The following SV2B variants were observed in gnomAD, a reference collection of about 807,000 sequenced individuals.
SV2B encodes the protein synaptic vesicle glycoprotein 2B, also known as solute carrier family 22 member B2.
In SV2B, 41 loss-of-function variants were observed where a neutral mutation model predicts 73.9. The ratio of observed to expected loss-of-function variants is 0.56; its 90% CI spans 0.43 to 0.72. The LOEUF is 0.72. Among genes scored for constraint, SV2B ranks in the 30% least tolerant of loss-of-function variants. SV2B has a pLI of 0.00. For synonymous variants in SV2B, 314 were observed against 314.2 expected (o/e 1.00, Z 0.01); for missense variants, 764 against 857.8 (o/e 0.89, Z 1.37).
chr15:91,180,456 A>G (rs7496801), intron 1 of SV2B, among the ~76,000 whole-genome samples: 53,791 of 151,110 alleles, frequency 0.36, 10,025 homozygotes, highest in East Asian at 0.7. Flanking sequence ...GCTAGATTGG[A>G]GAAGTTCTCC....
rs2048181020 is a variant in SV2B, at chr15:91,268,474, G to T, written c.1242G>T (p.Met414Ile). Residue 414 changes from methionine (M) to isoleucine (I), a missense_variant, in exon 9 of 13, where the codon ATG (methionine) becomes ATT (isoleucine). By Grantham distance (10) the Met-to-Ile change is conservative. Transcript: ENST00000394232. The surrounding 1 kb of genome is among the most constrained non-coding windows in gnomAD (Gnocchi z 4.4). ...GACTGACAGTTTGGTTTCCTGATAT[G>T]ATCCGCTATTTTCAAGATGAAGAAT... The part of the protein sequence containing the change: ...YYGLTVWFPD[M>I]IRYFQDEEYK... 2 of 1,613,976 alleles carry T rather than the reference G, an allele frequency of 1.2e-6. No individual in the cohort carries two copies. The highest frequency in any genetic ancestry group is 2.7e-5 in the African/African-American group (2 of 74,928).
intron 1 of SV2B, among the ~76,000 whole-genome samples, chr15:91,101,058 C>A (rs1222937900): frequency 6.6e-6 from 1 of 152,216 alleles, no homozygotes; most frequent in African/African-American, 2.4e-5. Flanking sequence ...AAATACACTC[C>A]TTTATCCGGA....
chr15:91,248,126 C>A (rs1018367928), intron 2 of SV2B, among the ~76,000 whole-genome samples: 2 of 152,110 alleles, frequency 1.3e-5, no homozygotes, highest in Non-Finnish European at 2.9e-5. Context: ...TCAAGACCAT[C>A]CTGGCTAACA....
rs1378424025 is a variant in SV2B, at chr15:91,132,677, C to T, written c.-392+32314C>T. ...CGGTATGAAACATTTAGGTTTTTTG[C>T]CTCCAGACCCTATTTCTCCTGCCTC... On this transcript the variant is annotated intron_variant, in intron 1 of 12. Transcript: ENST00000394232. The surrounding 1 kb of genome is among the most constrained non-coding windows in gnomAD (Gnocchi z 4.6). Among the ~76,000 whole-genome samples, 1 of 151,888 alleles carries T rather than the reference C, an allele frequency of 6.6e-6. No individual in the cohort carries two copies. Among genetic ancestry groups the T allele is most frequent in the African/African-American group, 2.4e-5 (1 of 41,358 alleles).
chr15:91,282,813 A>G (rs951079654), intron 10 of SV2B, among the ~76,000 whole-genome samples: 1 of 152,232 alleles, frequency 6.6e-6, no homozygotes, highest in Non-Finnish European at 1.5e-5. Context: ...TCTGGTCTCT[A>G]AATATTCTGG....
chr15:91,139,349 A>G lies in SV2B; in HGVS notation c.-392+38986A>G, dbSNP rs1471258932. On this transcript the variant is annotated intron_variant, in intron 1 of 12. Transcript: ENST00000394232. This position sits in a 1 kb window ranked among gnomAD's most constrained non-coding sequence, Gnocchi z 5.2. ...TGCAAATTTCCACAATAAAATGTTA[A>G]AAAAAAAGAAGTAAGGGAAACTTCC... Among the ~76,000 whole-genome samples, 2 of 151,890 alleles carry G rather than the reference A, an allele frequency of 1.3e-5. No homozygotes were observed. Among genetic ancestry groups the G allele is most frequent in the Non-Finnish European group, 2.9e-5 (2 of 67,976 alleles).
chr15:91,283,435 G>A lies in SV2B; in HGVS notation c.1508-586G>A, dbSNP rs937439410. Among the ~76,000 whole-genome samples the A allele has an allele frequency of 6.0e-5, 9 of 149,146 alleles. No homozygotes were observed. The highest frequency in any genetic ancestry group is 2.3e-4 in the African/African-American group (9 of 38,810). On this transcript the variant is annotated intron_variant, in intron 10 of 12. Transcript: ENST00000394232. The surrounding 1 kb of genome is among the most constrained non-coding windows in gnomAD (Gnocchi z 4.3). The stretch of plus-strand genomic sequence containing the variant: ...AACAGGACTGTTATCCAGCTGGAGA[G>A]ATGATTTTTTTTTTTTTAAAGGCAA...
rs1161406233 is a variant in SV2B at position 91,123,608 on chromosome 15, T to C, written c.-392+23245T>C. The stretch of plus-strand genomic sequence containing the variant: ...GTCCCTGTGCATACTGTGTGACTTA[T>C]GGCACACAAATGGGGAGGTGTGCCT... On this transcript the variant is annotated intron_variant, in intron 1 of 12. Transcript: ENST00000394232. The surrounding 1 kb of genome is among the most constrained non-coding windows in gnomAD (Gnocchi z 4.7). 6.6e-6 allele frequency among the ~76,000 whole-genome samples: 1 copy of C among 152,160 alleles called. No individual in the cohort carries two copies. The highest frequency in any genetic ancestry group is 2.4e-5 in the African/African-American group (1 of 41,430).
At chr15:91,282,459 C>G (rs2048713430) in intron 10 of SV2B, among the ~76,000 whole-genome samples, 2 of 152,284 alleles carry the variant, frequency 1.3e-5, no homozygotes, top group South Asian at 4.1e-4. Context: ...TAATAACATA[C>G]CAAGTGAAGT....
chr15:91,288,640 T>C lies in SV2B; in HGVS notation c.1709-881T>C, dbSNP rs180773844. Among the ~76,000 whole-genome samples, 712 of 152,032 alleles carry C rather than the reference T, an allele frequency of 4.7e-3. 6 individuals are homozygous for C. Among genetic ancestry groups the C allele is most frequent in the African/African-American group, 0.015 (624 of 41,426 alleles). The stretch of plus-strand genomic sequence containing the variant: ...CCTCTCTCTCTCTTTCTCTCTTCTT[T>C]CTTTCTCTCTCTCTCTCTCCTTCCT... On this transcript the variant is annotated intron_variant, in intron 11 of 12. Transcript: ENST00000394232. This position sits in a 1 kb window ranked among gnomAD's most constrained non-coding sequence, Gnocchi z 5.8.
Position 91,240,431 on chromosome 15 carries a change from A to G in SV2B, c.452-11388A>G, listed in dbSNP as rs1483600626. Among the ~76,000 whole-genome samples the G allele has an allele frequency of 1.3e-5, 2 of 152,056 alleles. No homozygotes were observed. Among genetic ancestry groups the G allele is most frequent in the African/African-American group, 2.4e-5 (1 of 41,356 alleles). The stretch of plus-strand genomic sequence containing the variant: ...TTTCACTTTATTCAGTAGCTCCTTA[A>G]AAGAGTCAACTTACTCACGGGCTTG... On this transcript the variant is annotated intron_variant, in intron 2 of 12. Transcript: ENST00000394232. This position sits in a 1 kb window ranked among gnomAD's most constrained non-coding sequence, Gnocchi z 4.6.
Position 91,122,545 on chromosome 15 carries a change from T to C in SV2B, c.-392+22182T>C, listed in dbSNP as rs896755267. ...GCATGCTGCAGAGCAGACTCCCCCA[T>C]CCTGGTTTCCTCTCCATCCTTTTTG... On this transcript the variant is annotated intron_variant, in intron 1 of 12. Coordinates refer to ENST00000394232, the MANE Select transcript of SV2B (RefSeq NM_001323032.3). This position sits in a 1 kb window ranked among gnomAD's most constrained non-coding sequence, Gnocchi z 4.3. 6.6e-6 allele frequency among the ~76,000 whole-genome samples: 1 copy of C among 152,222 alleles called. No homozygotes were observed. Among genetic ancestry groups the C allele is most frequent in the Non-Finnish European group, 1.5e-5 (1 of 68,026 alleles).
At chr15:91,185,361 A>C (rs2044730262) in intron 1 of SV2B, among the ~76,000 whole-genome samples, 2 of 152,210 alleles carry the variant, frequency 1.3e-5, no homozygotes, top group Non-Finnish European at 1.5e-5. Flanking sequence ...GCATTTTTGC[A>C]TGTAGTTATT....
At chr15:91,134,069 G>T (rs1416729622) in intron 1 of SV2B, among the ~76,000 whole-genome samples, 3 of 142,088 alleles carry the variant, frequency 2.1e-5, no homozygotes, top group South Asian at 4.5e-4. Context: ...CGTGATCTCG[G>T]CTCACTGCAA....
intron 1 of SV2B, among the ~76,000 whole-genome samples, chr15:91,156,502 A>G (rs534661565): frequency 6.6e-6 from 1 of 152,228 alleles, no homozygotes; most frequent in South Asian, 2.1e-4. Context: ...GCAGGTAGGA[A>G]TCAGGAGCTG....
rs754785876 is a variant in SV2B at position 91,284,096 on chromosome 15, T to A, written c.1583T>A (p.Met528Lys). The A allele has an allele frequency of 3.1e-6, 5 of 1,614,072 alleles. No homozygotes were observed. The highest frequency in any genetic ancestry group is 4.5e-5 in the East Asian group (2 of 44,898). The change falls in exon 11 of 13, where the codon ATG becomes AAG. Residue 528 changes from methionine to lysine, a missense_variant. Transcript: ENST00000394232. The surrounding 1 kb of genome is among the most constrained non-coding windows in gnomAD (Gnocchi z 4.5). ...TFLEQKEGCH[M>K]DLEQDNDFLI... ...CTGGAGCAGAAGGAGGGCTGCCACATGGACTTGGAGCAAGATAATGACTTC... is the reference window on the plus strand; with the variant it reads ...CTGGAGCAGAAGGAGGGCTGCCACAAGGACTTGGAGCAAGATAATGACTTC...
At chr15:91,198,518 T>C (rs1264083075) in intron 1 of SV2B, among the ~76,000 whole-genome samples, 1 of 150,894 alleles carries the variant, frequency 6.6e-6, no homozygotes, top group Non-Finnish European at 1.5e-5. Context: ...TTTGGAGGTC[T>C]CCTGGAGGCA....
At chr15:91,143,040 G>C (rs1381658713) in intron 1 of SV2B, among the ~76,000 whole-genome samples, 1 of 152,222 alleles carries the variant, frequency 6.6e-6, no homozygotes, top group East Asian at 1.9e-4. Flanking sequence ...ACCTGTGACA[G>C]CACAGCCAGT....
intron 1 of SV2B, among the ~76,000 whole-genome samples, chr15:91,210,740 C>G (rs899524820): frequency 6.6e-6 from 1 of 152,228 alleles, no homozygotes; most frequent in Non-Finnish European, 1.5e-5. Flanking sequence ...CAGTTTCATG[C>G]CAGCTTTGAG....
Sources: gnomAD v4.1 joint callset for allele counts (sites outside exome capture counted in the v4.1 genomes callset) on GRCh38, gnomAD v4.1.1 for gene constraint, Gnocchi (gnomAD v3.1) non-coding constraint, MANE v1.5 for transcripts, NCBI Gene and HGNC (gene_info 2026-07-23, HGNC 2026-07-21) for gene names.